ORC3: variants seen among roughly 807,000 people sequenced by gnomAD.
ORC3 encodes homolog of latheo, Drosophila.
Under a neutral mutation model 100.7 loss-of-function variants are expected in ORC3, and 78 were observed. The observed-to-expected ratio is 0.77, with a 90% CI of 0.65 to 0.94. ORC3 has a LOEUF of 0.94. Ranked by LOEUF, ORC3 falls within the 40% of genes least tolerant of loss-of-function variation. The pLI is 0.00. For synonymous variants in ORC3, 295 were observed against 289.3 expected, an observed-to-expected ratio of 1.02 and a Z score of -0.20; for missense variants, 789 against 823.9, an observed-to-expected ratio of 0.96 and a Z score of 0.52.
chr6:87,613,393 T>TC lies in ORC3; in HGVS notation c.873+1146dup, dbSNP rs1778923152. Among the ~76,000 whole-genome samples the TC allele has an allele frequency of 2.6e-5, 4 of 152,294 alleles. No individual in the cohort carries two copies. The South Asian group carries it at 8.3e-4, about 32-fold the overall frequency. ...GGTCCCTCCCATAGCACTTGGGAAT[T>TC]CAAGATGAGATTTGGGTGGGGACAC... is the stretch of plus-strand genomic sequence containing the variant. On this transcript the variant is annotated intron_variant, in intron 8 of 19. Transcript: ENST00000392844.
At chr6:87,665,689 G>A in intron 18 of ORC3, 65 bp from the exon 19 acceptor site, 1 of 879,162 alleles carries the variant, frequency 1.1e-6, no homozygotes, top group Non-Finnish European at 1.9e-6. Context: ...ATTAAAAGAA[G>A]TATAGTAAAA....
At position 87,612,139 on chromosome 6, in the gene ORC3, C is replaced by G. The variant is rs1425876598; in HGVS notation, c.764C>G (p.Ser255Cys). Reference protein sequence around the residue: ...PLILIFGIATSPIIIHRLLPH... With the variant: ...PLILIFGIATCPIIIHRLLPH... ...ATACTCATTTTTGGAATAGCCACAT[C>G]TCCTATTATCATCCACCGATTGCTT... The change falls in exon 8 of 20, where the codon TCT becomes TGT. Residue 255 changes from serine to cysteine, a missense_variant. By Grantham distance (112) the Ser-to-Cys change is moderately radical. Transcript: ENST00000392844. 1 of 1,613,464 alleles carries G rather than the reference C, an allele frequency of 6.2e-7. No individual in the cohort carries two copies. Among genetic ancestry groups the G allele is most frequent in the Non-Finnish European group, 8.5e-7 (1 of 1,179,720 alleles).
chr6:87,619,554 G>A (rs1779391868), intron 9 of ORC3, among the ~76,000 whole-genome samples: 1 of 152,150 alleles, frequency 6.6e-6, no homozygotes, highest in African/African-American at 2.4e-5. Context: ...TTACAGGCAT[G>A]CGCCACCACG....
chr6:87,634,005 C>T (rs1041026935), intron 11 of ORC3, among the ~76,000 whole-genome samples: 3 of 151,858 alleles, frequency 2.0e-5, no homozygotes, highest in African/African-American at 4.8e-5. Context: ...GGCTAGTTTT[C>T]GGTTGTGGGT....
At chr6:87,663,353 C>T (rs1770354723) in intron 17 of ORC3, among the ~76,000 whole-genome samples, 1 of 152,172 alleles carries the variant, frequency 6.6e-6, no homozygotes. Flanking sequence ...CTGTTGCTGC[C>T]AGTTTTTGAC....
rs766307515 is a variant in ORC3, at chr6:87,594,427, A to C, written c.79+20A>C. On this transcript the variant is annotated intron_variant, in intron 2 of 19. Coordinates refer to ENST00000392844, the MANE Select transcript of ORC3 (RefSeq NM_012381.4). Reference sequence around the variant, plus strand: ...CAATAGGTAAGGTGTCTGAATATTAAATTTTTTATTCCCTACCTTCTTAAA... The same window carrying C: ...CAATAGGTAAGGTGTCTGAATATTACATTTTTTATTCCCTACCTTCTTAAA... The C allele has an allele frequency of 1.3e-6, 2 of 1,553,376 alleles. No individual in the cohort carries two copies. Among genetic ancestry groups the C allele is most frequent in the Non-Finnish European group, 1.8e-6 (2 of 1,139,784 alleles).
intron 11 of ORC3, among the ~76,000 whole-genome samples, chr6:87,630,156 A>G (rs1437632768): frequency 6.6e-6 from 1 of 152,186 alleles, no homozygotes; most frequent in East Asian, 1.9e-4. Context: ...GAGGCTGGGC[A>G]CAGTGGCTCA....
rs534833623 is a variant in ORC3, at chr6:87,618,939, A to G, written c.988-2415A>G. On this transcript the variant is annotated intron_variant, in intron 9 of 19. Coordinates refer to ENST00000392844, the MANE Select transcript of ORC3 (RefSeq NM_012381.4). The stretch of plus-strand genomic sequence containing the variant: ...GAGAAAAGGATGAGTTTCTTTTTGT[A>G]TCTGGTTAATTTAGGGGTGTGTTAG... 1.5e-4 allele frequency among the ~76,000 whole-genome samples: 23 copies of G among 152,304 alleles called. No homozygotes were observed. In the South Asian group the frequency reaches 4.6e-3, roughly 30 times the overall value.
chr6:87,591,355 A>G (rs1211988473), intron 1 of ORC3, among the ~76,000 whole-genome samples: 1 of 150,516 alleles, frequency 6.6e-6, no homozygotes, highest in African/African-American at 2.4e-5. Context: ...AGGCTATGTC[A>G]TGGATCTGAT....
chr6:87,655,867 A>T (rs767518173), intron 14 of ORC3, among the ~76,000 whole-genome samples: 6 of 152,186 alleles, frequency 3.9e-5, no homozygotes, highest in Non-Finnish European at 8.8e-5. Context: ...TGTTAATGAC[A>T]TGGGACAAAG....
downstream of ORC3, among the ~76,000 whole-genome samples, chr6:87,667,801 T>TGC: frequency 6.6e-6 from 1 of 152,074 alleles, no homozygotes; most frequent in East Asian, 1.9e-4. Flanking sequence ...TGGTGGCACA[T>TGC]GCCTGTAGTC....
intron 11 of ORC3, among the ~76,000 whole-genome samples, chr6:87,634,052 C>T (rs1480616941): frequency 2.0e-5 from 3 of 151,948 alleles, no homozygotes; most frequent in African/African-American, 7.3e-5. Flanking sequence ...CACTATGTTG[C>T]TCACCCAGGT....
chr6:87,636,116 T>C (rs1430074801), intron 12 of ORC3, among the ~76,000 whole-genome samples: 2 of 151,926 alleles, frequency 1.3e-5, no homozygotes, highest in Non-Finnish European at 2.9e-5. Context: ...GTATTTTTAT[T>C]AGAGACGGGG....
rs1203272664 is a variant in ORC3 at position 87,665,830 on chromosome 6, T to G, written c.2027T>G (p.Ile676Ser). ...ACCTCAGAAGAAATGAATGAAATTATCCAGTATCCTTTTAAAACCATTTCT... is the reference window on the plus strand; with the variant it reads ...ACCTCAGAAGAAATGAATGAAATTAGCCAGTATCCTTTTAAAACCATTTCT... ...SATSEEMNEI[I>S]HARFIRAVSE... The change falls in exon 19 of 20, where the codon ATC (isoleucine) becomes AGC (serine). Residue 676 changes from isoleucine (I) to serine (S), a missense_variant. This residue lies in a region of ORC3 where 366 missense variants were observed against 394.2 expected (regional missense o/e 0.93). Coordinates refer to ENST00000392844, the MANE Select transcript of ORC3 (RefSeq NM_012381.4). The G allele has an allele frequency of 7.5e-6, 12 of 1,590,698 alleles. No homozygotes were observed. In the African/African-American group the frequency reaches 1.6e-4, roughly 21 times the overall value.
At chr6:87,618,302 T>G (rs1021183247) in intron 9 of ORC3, among the ~76,000 whole-genome samples, 68 of 151,344 alleles carry the variant, frequency 4.5e-4, no homozygotes, top group African/African-American at 1.7e-3. Context: ...CCCAGCTACT[T>G]GGGGGGCTGA....
chr6:87,596,160 G>GTTTTTT (rs71554737), intron 2 of ORC3, among the ~76,000 whole-genome samples: 1 of 140,456 alleles, frequency 7.1e-6, no homozygotes, highest in Non-Finnish European at 1.6e-5. Context: ...GTTTGTTTTT[G>GTTTTTT]TTTTTTTTTT....
At chr6:87,647,491 C>G (rs1220807838) in intron 13 of ORC3, among the ~76,000 whole-genome samples, 2 of 152,170 alleles carry the variant, frequency 1.3e-5, no homozygotes, top group Non-Finnish European at 2.9e-5. Context: ...AAATTGAAAG[C>G]TTCCTCCTCC....
chr6:87,594,583 T>C, intron 2 of ORC3, 176 bp downstream of exon 2: 1 of 1,259,414 alleles, frequency 7.9e-7, no homozygotes, highest in Non-Finnish European at 1.0e-6. Context: ...GGGCTCTAAT[T>C]GAAAAGAGAA....
At chr6:87,602,806 C>G (rs1191659831) in intron 3 of ORC3, among the ~76,000 whole-genome samples, 2 of 151,132 alleles carry the variant, frequency 1.3e-5, no homozygotes, top group African/African-American at 4.9e-5. Context: ...ATTAACCCTT[C>G]TTAACCCTGA....
Sources: allele counts gnomAD v4.1 joint callset (sites outside exome capture counted in the v4.1 genomes callset), GRCh38; gene constraint gnomAD v4.1.1; regional missense constraint gnomAD v4.1.1; transcripts MANE v1.5; gene names NCBI Gene and HGNC (gene_info 2026-07-23, HGNC 2026-07-21).